GRXCR1: variants seen among roughly 807,000 people sequenced by gnomAD.
The protein encoded by GRXCR1 is glutaredoxin and cysteine rich domain containing 1, also known as glutaredoxin domain-containing cysteine-rich protein 1.
GRXCR1 carries 27 observed loss-of-function variants against 27.3 expected under a neutral mutation model. The ratio of observed to expected loss-of-function variants is 0.99; its 90% CI spans 0.73 to 1.37. The LOEUF is 1.37. Ranked by LOEUF, GRXCR1 falls within the 40% of genes most tolerant of loss-of-function variation. GRXCR1 has a pLI of 0.00. For missense variants in GRXCR1, 379 were observed against 354.4 expected (o/e 1.07, Z -0.56); for synonymous variants, 122 against 131.1 (o/e 0.93, Z 0.47).
chr4:42,961,818 C>A (rs1209021623), intron 1 of GRXCR1, among the ~76,000 whole-genome samples: 1 of 151,932 alleles, frequency 6.6e-6, no homozygotes, highest in African/African-American at 2.4e-5. Flanking sequence ...GATTTCTCTG[C>A]GTACAAAGTG....
rs555981038 is a variant in GRXCR1, at chr4:42,957,688, T to G, written c.385-5204T>G. On this transcript the variant is annotated intron_variant, in intron 1 of 3. Transcript: ENST00000399770. ...GTCTTCAAGTTCACTAATTCCTTCTTCTGCTTGATCAATGATGCTGAGAGA... is the reference window on the plus strand; with the variant it reads ...GTCTTCAAGTTCACTAATTCCTTCTGCTGCTTGATCAATGATGCTGAGAGA... Among the ~76,000 whole-genome samples, 37 of 151,762 alleles carry G rather than the reference T, an allele frequency of 2.4e-4. 1 individual carries two copies. In the East Asian group the frequency reaches 7.3e-3, roughly 30 times the overall value.
rs606231120 is a variant in GRXCR1, at chr4:43,020,345, C to A, written c.628-9C>A. On this transcript the variant is annotated splice_polypyrimidine_tract_variant and intron_variant, in intron 2 of 3. Coordinates refer to ENST00000399770, the MANE Select transcript of GRXCR1 (RefSeq NM_001080476.3). The stretch of plus-strand genomic sequence containing the variant: ...ATGGATTTTTCTCCCTACTCTCTCT[C>A]GTTAATAGGGTGCTGAGAAAATTTT... 34 of 1,587,308 alleles carry A rather than the reference C, an allele frequency of 2.1e-5. No homozygotes were observed. Among genetic ancestry groups the A allele is most frequent in the Non-Finnish European group, 2.9e-5 (34 of 1,155,870 alleles).
At chr4:42,938,574 C>G (rs1747512904) in intron 1 of GRXCR1, among the ~76,000 whole-genome samples, 1 of 151,898 alleles carries the variant, frequency 6.6e-6, no homozygotes, top group Non-Finnish European at 1.5e-5. Context: ...CTCAAGAAGT[C>G]TTTGCTCAGA....
chr4:42,902,604 C>A (rs1331897292), intron 1 of GRXCR1, among the ~76,000 whole-genome samples: 1 of 152,076 alleles, frequency 6.6e-6, no homozygotes, highest in South Asian at 2.1e-4. Context: ...GTGCATGTAT[C>A]TTTGTAATGG....
At chr4:42,932,702 T>C (rs988884324) in intron 1 of GRXCR1, among the ~76,000 whole-genome samples, 8 of 140,432 alleles carry the variant, frequency 5.7e-5, no homozygotes, top group Non-Finnish European at 9.2e-5. Flanking sequence ...GCAGGGCTTC[T>C]AAAAAATATG....
chr4:42,989,904 G>A (rs1221773738), intron 2 of GRXCR1, among the ~76,000 whole-genome samples: 1 of 151,808 alleles, frequency 6.6e-6, no homozygotes, highest in Non-Finnish European at 1.5e-5. Context: ...TCTGAAGGAA[G>A]GTATTAATAT....
At position 42,985,313 on chromosome 4, in the gene GRXCR1, GTTT is replaced by G. The variant is rs554707962; in HGVS notation, c.627+22183_627+22185del. 6.3e-4 allele frequency among the ~76,000 whole-genome samples: 96 copies of G among 151,922 alleles called. 1 individual carries two copies. Among genetic ancestry groups the G allele is most frequent in the Admixed American group, 8.5e-4 (13 of 15,270 alleles). ...ATTGAAGAAAAAATGTATAATCTGTGTTTTTTATTTGAATTTAAAGATATAACC... is the reference window on the plus strand; with the variant it reads ...ATTGAAGAAAAAATGTATAATCTGTGTTTATTTGAATTTAAAGATATAACC... On this transcript the variant is annotated intron_variant, in intron 2 of 3. Coordinates refer to ENST00000399770, the MANE Select transcript of GRXCR1 (RefSeq NM_001080476.3).
intron 2 of GRXCR1, among the ~76,000 whole-genome samples, chr4:43,007,042 G>C (rs2109800163): frequency 6.6e-6 from 1 of 152,180 alleles, no homozygotes; most frequent in East Asian, 1.9e-4. Context: ...TAGAGGAGCA[G>C]GTAAATAAAT....
At chr4:42,916,977 T>C (rs1032936149) in intron 1 of GRXCR1, among the ~76,000 whole-genome samples, 2 of 152,294 alleles carry the variant, frequency 1.3e-5, no homozygotes, top group Admixed American at 6.5e-5. Flanking sequence ...TGAGGATCAA[T>C]AGATTGACAA....
intron 1 of GRXCR1, among the ~76,000 whole-genome samples, chr4:42,897,921 CTATTATTATTATTAT>C (rs3075913): frequency 7.9e-6 from 1 of 127,040 alleles, no homozygotes; most frequent in African/African-American, 2.7e-5. Flanking sequence ...AAAGTTATTA[CTATTATTATTATTAT>C]TATTATTATT....
At position 42,963,140 on chromosome 4, in the gene GRXCR1, T is replaced by C; in HGVS notation, c.627+6T>C. 6.2e-7 allele frequency: 1 copy of C among 1,612,524 alleles called. No homozygotes were observed. The highest frequency in any genetic ancestry group is 8.5e-7 in the Non-Finnish European group (1 of 1,178,838). On this transcript the variant is annotated splice_donor_region_variant and intron_variant, in intron 2 of 3. Transcript: ENST00000399770. Reference sequence around the variant, plus strand: ...TTGATGGCCATTACCTTGGGGTAAGTAAGCTGCCCAGGAAAGTCTTTTTCA... The same window carrying C: ...TTGATGGCCATTACCTTGGGGTAAGCAAGCTGCCCAGGAAAGTCTTTTTCA...
chr4:43,018,591 G>GTTTC (rs1713004602), intron 2 of GRXCR1, among the ~76,000 whole-genome samples: 2 of 152,134 alleles, frequency 1.3e-5, no homozygotes, highest in Non-Finnish European at 2.9e-5. Context: ...GCTATCATAA[G>GTTTC]AAAAGAGCCA....
At chr4:42,972,952 A>G (rs1577926637) in intron 2 of GRXCR1, among the ~76,000 whole-genome samples, 1 of 152,032 alleles carries the variant, frequency 6.6e-6, no homozygotes, top group East Asian at 2.0e-4. Context: ...TTTGGTCACA[A>G]TTTTCTGTCC....
At position 42,991,473 on chromosome 4, in the gene GRXCR1, C is replaced by CATATATAT. The variant is rs71648752; in HGVS notation, c.627+28350_627+28357dup. Among the ~76,000 whole-genome samples, 14 of 147,820 alleles carry CATATATAT rather than the reference C, an allele frequency of 9.5e-5. No homozygotes were observed. The South Asian group carries it at 1.1e-3, about 11-fold the overall frequency. ...TGCTCTCTCTCTACACACACACATA[C>CATATATAT]ATATATATATATATATATCTGTCAT... On this transcript the variant is annotated intron_variant, in intron 2 of 3. Coordinates refer to ENST00000399770, the MANE Select transcript of GRXCR1 (RefSeq NM_001080476.3).
intron 2 of GRXCR1, among the ~76,000 whole-genome samples, chr4:42,998,644 G>C (rs1577938307): frequency 6.6e-6 from 1 of 152,310 alleles, no homozygotes; most frequent in Non-Finnish European, 1.5e-5. Context: ...CGACATGCTT[G>C]AATTTCATGT....
chr4:42,967,452 T>C (rs1270377384), intron 2 of GRXCR1, among the ~76,000 whole-genome samples: 1 of 151,886 alleles, frequency 6.6e-6, no homozygotes, highest in East Asian at 1.9e-4. Flanking sequence ...AATCCAAATT[T>C]TTTGGAAATA....
chr4:42,979,856 G>A (rs1207568143), intron 2 of GRXCR1, among the ~76,000 whole-genome samples: 1 of 151,826 alleles, frequency 6.6e-6, no homozygotes, highest in African/African-American at 2.4e-5. Context: ...TTATTGGTCT[G>A]TTCAGATATT....
intron 1 of GRXCR1, among the ~76,000 whole-genome samples, chr4:42,901,757 T>C (rs1746467484): frequency 6.6e-6 from 1 of 152,184 alleles, no homozygotes; most frequent in Non-Finnish European, 1.5e-5. Context: ...ATTGGCTTCA[T>C]TTTTTCCTGG....
intron 3 of GRXCR1, among the ~76,000 whole-genome samples, chr4:43,025,947 G>A (rs1165443295): frequency 2.0e-5 from 3 of 146,840 alleles, no homozygotes; most frequent in Admixed American, 6.9e-5. Flanking sequence ...CTGCACTCCA[G>A]CCTGGGAAAC....
Sources: gnomAD v4.1 joint callset for allele counts (sites outside exome capture counted in the v4.1 genomes callset) on GRCh38, gnomAD v4.1.1 for gene constraint, MANE v1.5 for transcripts, NCBI Gene and HGNC (gene_info 2026-07-23, HGNC 2026-07-21) for gene names.